NCS1: variants seen among roughly 807,000 people sequenced by gnomAD.
NCS1 encodes the protein frequenin homolog.
Under a neutral mutation model 28.4 loss-of-function variants are expected in NCS1, and 6 were observed. The observed-to-expected ratio is 0.21, with a 90% CI of 0.12 to 0.42. NCS1 has a LOEUF of 0.42. Among genes scored for constraint, NCS1 ranks in the 10% least tolerant of loss-of-function variants. NCS1 has a pLI of 1.00. For missense variants in NCS1, 131 were observed against 241.4 expected (o/e 0.54, Z 3.03); for synonymous variants, 86 against 99.3 (o/e 0.87, Z 0.79).
intron 1 of NCS1, among the ~76,000 whole-genome samples, chr9:130,198,108 A>T (rs1554907043): frequency 6.6e-6 from 1 of 152,128 alleles, no homozygotes; most frequent in Admixed American, 6.5e-5. Flanking sequence ...CATGGGCAGG[A>T]CTTATCTCCC....
chr9:130,189,278 A>G (rs1554905979), intron 1 of NCS1, among the ~76,000 whole-genome samples: 1 of 152,224 alleles, frequency 6.6e-6, no homozygotes, highest in African/African-American at 2.4e-5. Context: ...CCCATTTTAC[A>G]GCTAAGGAAA....
chr9:130,204,096 G>A (rs1178280623), intron 2 of NCS1, among the ~76,000 whole-genome samples: 1 of 152,020 alleles, frequency 6.6e-6, no homozygotes, highest in African/African-American at 2.4e-5. Context: ...GGGTTCATGC[G>A]AATCTCCTGC....
At chr9:130,188,671 A>G (rs1454773468) in intron 1 of NCS1, among the ~76,000 whole-genome samples, 1 of 151,138 alleles carries the variant, frequency 6.6e-6, no homozygotes, top group Non-Finnish European at 1.5e-5. Context: ...TTGGCCTCCC[A>G]AAGTGCTGGG....
At chr9:130,227,240 TC>T (rs1222172639) in intron 7 of NCS1, among the ~76,000 whole-genome samples, 1 of 152,126 alleles carries the variant, frequency 6.6e-6, no homozygotes, top group Non-Finnish European at 1.5e-5. Flanking sequence ...GAGAGCTGTC[TC>T]CCTTCTTTCC....
rs143184472 is a variant in NCS1 at position 130,195,598 on chromosome 9, A to G, written c.65-5360A>G. 8.9e-4 allele frequency among the ~76,000 whole-genome samples: 135 copies of G among 152,196 alleles called. 1 individual carries two copies. Among genetic ancestry groups the G allele is most frequent in the African/African-American group, 3.1e-3 (128 of 41,516 alleles). ...GCCACCACACCCGGCTAATTTTTGT[A>G]TTTTTAGTAGAGACAGGGTTTCACC... is the stretch of plus-strand genomic sequence containing the variant. On this transcript the variant is annotated intron_variant, in intron 1 of 7. Transcript: ENST00000372398.
chr9:130,225,587 G>A (rs564898522), intron 6 of NCS1, among the ~76,000 whole-genome samples: 2 of 152,362 alleles, frequency 1.3e-5, no homozygotes, highest in African/African-American at 4.8e-5. Flanking sequence ...CAGCCCTGGG[G>A]CCTGGGTAGG....
intron 1 of NCS1, among the ~76,000 whole-genome samples, chr9:130,178,737 C>T (rs778579953): frequency 1.1e-3 from 161 of 150,986 alleles, no homozygotes; most frequent in Middle Eastern, 6.8e-3. Context: ...GTAATGAGAC[C>T]GAAGGTGATC....
chr9:130,175,049 AC>A lies in NCS1; in HGVS notation c.64+2323del. On this transcript the variant is annotated intron_variant, in intron 1 of 7. Coordinates refer to ENST00000372398, the MANE Select transcript of NCS1 (RefSeq NM_014286.4). This position sits in a 1 kb window ranked among gnomAD's most constrained non-coding sequence, Gnocchi z 4.9. ...GGGCAGAGAGAGAGTTGGCCTGGGT[AC>A]TTTTCCTCTGTCGAAGCCCTTATTA... 6.6e-6 allele frequency among the ~76,000 whole-genome samples: 1 copy of A among 152,050 alleles called. No homozygotes were observed. The highest frequency in any genetic ancestry group is 2.1e-4 in the South Asian group (1 of 4,828).
chr9:130,221,413 T>TAGAGAGAGAGAGAGAG (rs782666520), intron 4 of NCS1, among the ~76,000 whole-genome samples: 4 of 57,718 alleles, frequency 6.9e-5, no homozygotes, highest in Non-Finnish European at 9.0e-5. Context: ...TATATATATA[T>TAGAGAGAGAGAGAGAG]AGAGAGAGAG....
intron 1 of NCS1, among the ~76,000 whole-genome samples, chr9:130,183,591 G>A (rs1449812315): frequency 5.9e-5 from 9 of 152,098 alleles, no homozygotes; most frequent in Non-Finnish European, 7.4e-5. Context: ...TGGCCACCTC[G>A]GCTCCCCCAC....
At chr9:130,225,284 T>C (rs1393040508) in intron 6 of NCS1, among the ~76,000 whole-genome samples, 2 of 152,252 alleles carry the variant, frequency 1.3e-5, no homozygotes, top group Non-Finnish European at 2.9e-5. Context: ...CCCTAAAAGC[T>C]TTGACCTGAG....
At chr9:130,228,692 G>C (rs1212185896) in intron 7 of NCS1, among the ~76,000 whole-genome samples, 1 of 149,156 alleles carries the variant, frequency 6.7e-6, no homozygotes, top group South Asian at 2.1e-4. Flanking sequence ...TTTGAGACAG[G>C]GTCTCACTCC....
intron 2 of NCS1, among the ~76,000 whole-genome samples, chr9:130,212,010 G>A (rs1371471962): frequency 6.6e-6 from 1 of 152,128 alleles, no homozygotes; most frequent in Non-Finnish European, 1.5e-5. Flanking sequence ...TCAGGCAGGT[G>A]GGGAGGAGGG....
chr9:130,200,707 G>T lies in NCS1; in HGVS notation c.65-251G>T, dbSNP rs1588115453. 1.0e-5 allele frequency: 16 copies of T among 1,526,504 alleles called. No individual in the cohort carries two copies. In the East Asian group the frequency reaches 3.9e-4, roughly 37 times the overall value. The allele number at this position is 1,526,504 out of a possible 1,614,324, so 94.6% of individuals were successfully genotyped here. ...CCTGGGGGCTCTCCCAGCAGCGGCA[G>T]TGGCAGTGGCAGGTAGCACTTGGGC... On this transcript the variant is annotated intron_variant, in intron 1 of 7. Transcript: ENST00000372398.
At chr9:130,227,182 G>T (rs946206679) in intron 7 of NCS1, among the ~76,000 whole-genome samples, 2 of 152,168 alleles carry the variant, frequency 1.3e-5, no homozygotes, top group Non-Finnish European at 2.9e-5. Flanking sequence ...TAAGCTCCTA[G>T]CTGTCACAGA....
chr9:130,172,569 G>C lies in NCS1; in HGVS notation c.-95G>C. On this transcript the variant is annotated 5_prime_UTR_variant, in exon 1 of 8. Transcript: ENST00000372398. Reference sequence around the variant, plus strand: ...GCGCAGCGCGGGCGCCGCAGACAAAGGCGCGGCCCCGGCCCGGCCCGCCCG... The same window carrying C: ...GCGCAGCGCGGGCGCCGCAGACAAACGCGCGGCCCCGGCCCGGCCCGCCCG... 1 of 561,196 alleles carries C rather than the reference G, an allele frequency of 1.8e-6. No homozygotes were observed. Among genetic ancestry groups the C allele is most frequent in the Non-Finnish European group, 2.3e-6 (1 of 430,134 alleles). The allele number at this position is 561,196 out of a possible 1,614,324, so 34.8% of individuals were successfully genotyped here.
rs1554905039 is a variant in NCS1, at chr9:130,180,178, T to C, written c.64+7451T>C. ...GCCTCCTGAGTAGCTCGTATTAGAA[T>C]GTGCACCACCACACCTGGCTAATTT... On this transcript the variant is annotated intron_variant, in intron 1 of 7. Coordinates refer to ENST00000372398, the MANE Select transcript of NCS1 (RefSeq NM_014286.4). This position sits in a 1 kb window ranked among gnomAD's most constrained non-coding sequence, Gnocchi z 4.5. Among the ~76,000 whole-genome samples, 1 of 152,176 alleles carries C rather than the reference T, an allele frequency of 6.6e-6. No homozygotes were observed.
rs1233685671 is a variant in NCS1 at position 130,232,451 on chromosome 9, C to G, written c.*18-539C>G. ...TTCCATTTTTGTTTTCTGTTTTCTGCTATTACAGATGGTGCAGTGGTAAAC... is the reference window on the plus strand; with the variant it reads ...TTCCATTTTTGTTTTCTGTTTTCTGGTATTACAGATGGTGCAGTGGTAAAC... On this transcript the variant is annotated intron_variant, in intron 7 of 7. Transcript: ENST00000372398. The surrounding 1 kb of genome is among the most constrained non-coding windows in gnomAD (Gnocchi z 4.4). 6.6e-6 allele frequency among the ~76,000 whole-genome samples: 1 copy of G among 152,088 alleles called. No individual in the cohort carries two copies. Among genetic ancestry groups the G allele is most frequent in the Non-Finnish European group, 1.5e-5 (1 of 68,032 alleles).
At chr9:130,205,008 C>T (rs1231636574) in intron 2 of NCS1, among the ~76,000 whole-genome samples, 1 of 151,974 alleles carries the variant, frequency 6.6e-6, no homozygotes, top group African/African-American at 2.4e-5. Flanking sequence ...CCCCAGGCCC[C>T]GACATACACA....
Sources: allele counts gnomAD v4.1 joint callset (sites outside exome capture counted in the v4.1 genomes callset), GRCh38; gene constraint gnomAD v4.1.1; non-coding constraint Gnocchi (gnomAD v3.1); transcripts MANE v1.5; gene names NCBI Gene and HGNC (gene_info 2026-07-23, HGNC 2026-07-21).